Variants in CDH19 observed in about 807,000 individuals in gnomAD.
CDH19 encodes cadherin 19, also known as cadherin-19.
In CDH19, 67 loss-of-function variants were observed where a neutral mutation model predicts 64.2. That is an observed-to-expected ratio of 1.04 (90% CI 0.86 to 1.28). The LOEUF is 1.28. CDH19 is among the 50% of genes most tolerant of loss of function. The pLI is 0.00. For missense variants in CDH19, 1,030 were observed against 929.0 expected (o/e 1.11, Z -1.41); for synonymous variants, 346 against 319.3 (o/e 1.08, Z -0.89).
At chr18:66,581,474 C>A (rs1277926040) in intron 1 of CDH19, among the ~76,000 whole-genome samples, 1 of 152,014 alleles carries the variant, frequency 6.6e-6, no homozygotes, top group Non-Finnish European at 1.5e-5. Context: ...AGTCAGTGAA[C>A]TGGGAGAAGA....
At chr18:66,603,288 T>G (rs1449127023) in intron 1 of CDH19, among the ~76,000 whole-genome samples, 1 of 150,998 alleles carries the variant, frequency 6.6e-6, no homozygotes, top group Admixed American at 6.6e-5. Context: ...AAAATGTCTT[T>G]TACAGTATGC....
intron 1 of CDH19, among the ~76,000 whole-genome samples, chr18:66,594,753 G>C (rs1451749567): frequency 6.7e-6 from 1 of 148,236 alleles, no homozygotes; most frequent in East Asian, 2.0e-4. Context: ...ACTATCGCAA[G>C]AACAAAAAAC....
At chr18:66,589,978 T>TTATC (rs1988694874) in intron 1 of CDH19, among the ~76,000 whole-genome samples, 1 of 151,760 alleles carries the variant, frequency 6.6e-6, no homozygotes. Context: ...TATTATTATT[T>TTATC]TGTTAGACCT....
intron 9 of CDH19, among the ~76,000 whole-genome samples, chr18:66,528,691 TAATC>T (rs1280652288): frequency 6.6e-6 from 1 of 152,134 alleles, no homozygotes; most frequent in East Asian, 1.9e-4. Flanking sequence ...TGCAGTTTAA[TAATC>T]AGTAACAGTT....
chr18:66,518,953 T>C (rs1314018203), intron 9 of CDH19, among the ~76,000 whole-genome samples: 1 of 152,210 alleles, frequency 6.6e-6, no homozygotes. Flanking sequence ...AGACACTTCA[T>C]TCAGCTAAAC....
At chr18:66,587,062 T>C (rs1042739391) in intron 1 of CDH19, among the ~76,000 whole-genome samples, 3 of 152,096 alleles carry the variant, frequency 2.0e-5, no homozygotes, top group African/African-American at 7.2e-5. Context: ...TGTTTCTCCA[T>C]CAAACACCCT....
chr18:66,548,595 A>C (rs933758260), intron 5 of CDH19, among the ~76,000 whole-genome samples: 1 of 152,150 alleles, frequency 6.6e-6, no homozygotes, highest in Non-Finnish European at 1.5e-5. Flanking sequence ...CAATTACATA[A>C]AATTCTTCCA....
At chr18:66,536,730 A>G (rs1241090478) in intron 7 of CDH19, among the ~76,000 whole-genome samples, 1 of 151,800 alleles carries the variant, frequency 6.6e-6, no homozygotes, top group East Asian at 1.9e-4. Context: ...CCCCTTTTAG[A>G]ACCACAAATT....
At chr18:66,566,576 T>C (rs1273238586) in intron 3 of CDH19, among the ~76,000 whole-genome samples, 1 of 151,888 alleles carries the variant, frequency 6.6e-6, no homozygotes, top group African/African-American at 2.4e-5. Flanking sequence ...TAGTCTTCAG[T>C]GTGCTGTAAT....
At chr18:66,573,487 A>G (rs2144584883) in intron 1 of CDH19, among the ~76,000 whole-genome samples, 1 of 151,760 alleles carries the variant, frequency 6.6e-6, no homozygotes, top group South Asian at 2.1e-4. Context: ...GTCATAGAGA[A>G]ATTCAACTGA....
chr18:66,511,486 A>C, intron 10 of CDH19, 82 bp downstream of exon 10: 1 of 662,770 alleles, frequency 1.5e-6, no homozygotes, highest in Non-Finnish European at 2.7e-6. Context: ...GAACAGTATA[A>C]AAATCCATGC....
chr18:66,519,272 C>T (rs1191999694), intron 9 of CDH19, among the ~76,000 whole-genome samples: 1 of 152,090 alleles, frequency 6.6e-6, no homozygotes, highest in Non-Finnish European at 1.5e-5. Flanking sequence ...ATGACATGAC[C>T]CTTAATTGTC....
At chr18:66,515,530 AT>A (rs1335396773) in intron 9 of CDH19, among the ~76,000 whole-genome samples, 1 of 151,812 alleles carries the variant, frequency 6.6e-6, no homozygotes, top group African/African-American at 2.4e-5. Flanking sequence ...TCAAAAGGTC[AT>A]TATAGCATAA....
chr18:66,592,953 C>G (rs557098233), intron 1 of CDH19, among the ~76,000 whole-genome samples: 1 of 151,706 alleles, frequency 6.6e-6, no homozygotes, highest in South Asian at 2.1e-4. Context: ...CTATCTAGTT[C>G]TATTTTTAGT....
intron 8 of CDH19, among the ~76,000 whole-genome samples, chr18:66,530,212 A>G (rs182059755): frequency 6.8e-4 from 104 of 152,198 alleles, no homozygotes; most frequent in Non-Finnish European, 1.2e-3. Context: ...ATGGGCTGTA[A>G]TAAGTGATGA....
intron 7 of CDH19, among the ~76,000 whole-genome samples, chr18:66,543,081 A>G (rs1347017434): frequency 6.6e-6 from 1 of 152,170 alleles, no homozygotes; most frequent in African/African-American, 2.4e-5. Context: ...GCCGGAGTGC[A>G]GTGGTGCAAT....
chr18:66,515,109 T>TA (rs890890193), intron 9 of CDH19, among the ~76,000 whole-genome samples: 6 of 151,604 alleles, frequency 4.0e-5, no homozygotes, highest in Non-Finnish European at 5.9e-5. Context: ...TAATAAACAA[T>TA]AAAAAAATGC....
chr18:66,556,950 C>T (rs1026521156), intron 3 of CDH19, among the ~76,000 whole-genome samples: 22 of 151,842 alleles, frequency 1.4e-4, no homozygotes, highest in African/African-American at 5.1e-4. Flanking sequence ...AAAGGGAACA[C>T]GTGCACTGTA....
intron 5 of CDH19, 90 bp downstream of exon 5, chr18:66,551,004 G>A (rs892771312): frequency 7.3e-5 from 46 of 629,822 alleles, no homozygotes; most frequent in Non-Finnish European, 1.2e-4. Flanking sequence ...TGTTAATGTA[G>A]TGCTTTTAGA....
Sources: allele counts gnomAD v4.1 joint callset (sites outside exome capture counted in the v4.1 genomes callset), GRCh38; gene constraint gnomAD v4.1.1; transcripts MANE v1.5; gene names NCBI Gene and HGNC (gene_info 2026-07-23, HGNC 2026-07-21).